RBFOX2: variants seen among roughly 807,000 people sequenced by gnomAD.
RBFOX2 encodes the protein RNA binding protein fox-1 homolog 2.
RBFOX2 carries 10 observed loss-of-function variants against 49.1 expected under a neutral mutation model. The observed-to-expected ratio is 0.20, with a 90% CI of 0.13 to 0.35. RBFOX2 has a LOEUF of 0.35. Among genes scored for constraint, RBFOX2 ranks in the 10% least tolerant of loss-of-function variants. The pLI, the probability that RBFOX2 is intolerant of heterozygous loss-of-function variation, is 1.00. For synonymous variants in RBFOX2, 183 were observed against 187.4 expected (o/e 0.98, Z 0.19); for missense variants, 323 against 486.9 (o/e 0.66, Z 3.17).
At position 35,908,048 on chromosome 22, in the gene RBFOX2, T is replaced by C. The variant is rs1026263416; in HGVS notation, c.-34+30799A>G. 4.2e-5 allele frequency among the ~76,000 whole-genome samples: 6 copies of C among 144,204 alleles called. No individual in the cohort carries two copies. The South Asian group carries it at 8.4e-4, about 20-fold the overall frequency. 94.6% of individuals were successfully genotyped at this position (144,204 alleles called of 152,430 possible). On this transcript the variant is annotated intron_variant, in intron 1 of 13. Transcript: ENST00000359369. ...GACTGTCAAAGAATCTTGAAATGTC[T>C]ATTTCAAATGTTTAGGCCAAGAAGT... is the stretch of plus-strand genomic sequence containing the variant.
intron 1 of RBFOX2, among the ~76,000 whole-genome samples, chr22:35,974,844 A>T (rs1272861120): frequency 2.0e-5 from 3 of 152,056 alleles, no homozygotes; most frequent in Admixed American, 1.3e-4. Flanking sequence ...CCTCCCAAAG[A>T]TTCCTCCCCT....
chr22:35,968,059 T>C (rs1029218376), intron 1 of RBFOX2, among the ~76,000 whole-genome samples: 1 of 152,192 alleles, frequency 6.6e-6, no homozygotes, highest in Non-Finnish European at 1.5e-5. Context: ...GTTTTCCAAT[T>C]TTCTTGTCCA....
rs991663560 is a variant in RBFOX2 at position 35,786,706 on chromosome 22, T to C, written c.253-4960A>G. ...TTACATATATTATTTTCTTTAACCC[T>C]CACAATAACTCTGTGAAACAGGTAC... On this transcript the variant is annotated intron_variant, in intron 2 of 11. Transcript: ENST00000405409. Among the ~76,000 whole-genome samples, 3 of 152,138 alleles carry C rather than the reference T, an allele frequency of 2.0e-5. No individual in the cohort carries two copies. In the South Asian group the frequency reaches 6.2e-4, roughly 32 times the overall value.
In RBFOX2 at chr22:35,986,936, T is replaced by C. The variant is rs111927669; in HGVS notation, c.186+41304A>G. ...CATAAACTCTTACTTCACTGGAAAATAGAGTTTTGTATAAAGATCTCTTTT... is the reference window on the plus strand; with the variant it reads ...CATAAACTCTTACTTCACTGGAAAACAGAGTTTTGTATAAAGATCTCTTTT... On this transcript the variant is annotated intron_variant, in intron 1 of 13. Coordinates refer to the RBFOX2 transcript ENST00000438146. Among the ~76,000 whole-genome samples, 18 of 151,666 alleles carry C rather than the reference T, an allele frequency of 1.2e-4. 1 individual carries two copies. The South Asian group carries it at 3.5e-3, about 30-fold the overall frequency.
At chr22:35,976,981 AAAAAG>A (rs966352073) in intron 1 of RBFOX2, among the ~76,000 whole-genome samples, 22 of 151,550 alleles carry the variant, frequency 1.5e-4, no homozygotes, top group Non-Finnish European at 2.8e-4. Context: ...AAAAAAAAAG[AAAAAG>A]AAAAGCAAAT....
chr22:35,873,560 A>G (rs1462634889), intron 1 of RBFOX2, among the ~76,000 whole-genome samples: 1 of 152,228 alleles, frequency 6.6e-6, no homozygotes, highest in Admixed American at 6.5e-5. Context: ...TCAATCAGTC[A>G]TGCAAATATT....
At chr22:35,826,382 C>T (rs1031656985) in intron 1 of RBFOX2, among the ~76,000 whole-genome samples, 13 of 150,338 alleles carry the variant, frequency 8.6e-5, no homozygotes, top group African/African-American at 3.2e-4. Context: ...ATAATTACCA[C>T]TATTATTGTG....
At chr22:35,801,214 T>A (rs981030809) in intron 2 of RBFOX2, among the ~76,000 whole-genome samples, 1 of 152,196 alleles carries the variant, frequency 6.6e-6, no homozygotes, top group Non-Finnish European at 1.5e-5. Flanking sequence ...CATTAATAAA[T>A]CTGTAAATAA....
chr22:35,778,350 A>G (rs1944400129), intron 3 of RBFOX2, among the ~76,000 whole-genome samples: 1 of 152,166 alleles, frequency 6.6e-6, no homozygotes, highest in Non-Finnish European at 1.5e-5. Context: ...AGAACCTGGA[A>G]TTTTCCTAAC....
chr22:35,997,086 G>A (rs1040527435), intron 1 of RBFOX2: 2 of 152,158 alleles, frequency 1.3e-5, no homozygotes, highest in Non-Finnish European at 2.9e-5. Flanking sequence ...TGATTTAATG[G>A]GCTCTGATAA....
intron 1 of RBFOX2, among the ~76,000 whole-genome samples, chr22:35,930,661 C>G (rs146631175): frequency 5.9e-5 from 9 of 151,852 alleles, no homozygotes; most frequent in South Asian, 2.1e-4. Flanking sequence ...GGAACCCCAT[C>G]TCTACTAAAA....
intron 1 of RBFOX2, among the ~76,000 whole-genome samples, chr22:36,007,508 G>A (rs999593298): frequency 6.6e-6 from 1 of 152,008 alleles, no homozygotes; most frequent in Non-Finnish European, 1.5e-5. Flanking sequence ...ACCTATCCCT[G>A]TGTAATTTTA....
chr22:35,972,434 C>CAAA (rs386395333), intron 1 of RBFOX2, among the ~76,000 whole-genome samples: 25 of 139,496 alleles, frequency 1.8e-4, no homozygotes, highest in African/African-American at 5.9e-4. Flanking sequence ...AATGCTTCCT[C>CAAA]AAAAAAAAAA....
chr22:35,779,378 G>T (rs1001276105), intron 3 of RBFOX2, among the ~76,000 whole-genome samples: 2 of 152,116 alleles, frequency 1.3e-5, no homozygotes, highest in African/African-American at 4.8e-5. Flanking sequence ...CTGAAAAATG[G>T]AAAGAGCAAA....
At chr22:35,817,605 C>G (rs1188124777) in intron 1 of RBFOX2, among the ~76,000 whole-genome samples, 1 of 152,052 alleles carries the variant, frequency 6.6e-6, no homozygotes. Flanking sequence ...GAACCTGCAG[C>G]TAAGAGAATA....
chr22:35,744,164 G>T, exon 12 of RBFOX2: 1 of 1,588,870 alleles, frequency 6.3e-7, no homozygotes, highest in Non-Finnish European at 8.6e-7. Flanking sequence ...CAGGCCTCAT[G>T]AACTGGGGGG....
At chr22:35,795,516 C>A (rs1343019970) in intron 2 of RBFOX2, among the ~76,000 whole-genome samples, 2 of 149,564 alleles carry the variant, frequency 1.3e-5, no homozygotes, top group African/African-American at 4.9e-5. Context: ...CACTAATCTG[C>A]AAGGCACCTT....
chr22:35,753,227 C>G (rs960662356), intron 9 of RBFOX2, among the ~76,000 whole-genome samples: 3 of 152,184 alleles, frequency 2.0e-5, no homozygotes, highest in African/African-American at 7.2e-5. Flanking sequence ...TGTATGCTGA[C>G]AGATTTCCAC....
chr22:35,996,765 T>C (rs2058211724), intron 1 of RBFOX2: 1 of 151,710 alleles, frequency 6.6e-6, no homozygotes, highest in South Asian at 2.1e-4. Context: ...GAAAGAGAGG[T>C]TGCTCTATGG....
Sources: gnomAD v4.1 joint callset for allele counts (sites outside exome capture counted in the v4.1 genomes callset) on GRCh38, gnomAD v4.1.1 for gene constraint, MANE v1.5 for transcripts, NCBI Gene and HGNC (gene_info 2026-07-23, HGNC 2026-07-21) for gene names.